Variants in NCKAP5 observed in about 807,000 individuals in gnomAD.
NCKAP5 encodes nck-associated protein 5.
A neutral mutation model predicts 167.0 loss-of-function variants in NCKAP5; 92 were observed. The ratio of observed to expected loss-of-function variants is 0.55; its 90% CI spans 0.47 to 0.66. The LOEUF is 0.66. Among genes scored for constraint, NCKAP5 ranks in the 30% least tolerant of loss-of-function variants. The pLI, the probability that NCKAP5 is intolerant of heterozygous loss-of-function variation, is 0.00. For synonymous variants in NCKAP5, 891 were observed against 877.4 expected (o/e 1.02, Z -0.27); for missense variants, 2,378 against 2,315.0 (o/e 1.03, Z -0.56).
At chr2:133,623,301 A>T in the NCKAP5 span, among the ~76,000 whole-genome samples, 2 of 152,092 alleles carry the variant, frequency 1.3e-5, no homozygotes, top group African/African-American at 4.8e-5. Flanking sequence ...ATAAATAGAT[A>T]GGATTTAATT....
chr2:133,110,389 G>A (rs2081866936), intron 6 of NCKAP5, among the ~76,000 whole-genome samples: 1 of 152,170 alleles, frequency 6.6e-6, no homozygotes, highest in Non-Finnish European at 1.5e-5. Flanking sequence ...AGAAGATGCT[G>A]CTGTCTCAGG....
At chr2:132,728,535 C>T (rs1018622850) in intron 18 of NCKAP5, among the ~76,000 whole-genome samples, 2 of 152,156 alleles carry the variant, frequency 1.3e-5, no homozygotes, top group African/African-American at 2.4e-5. Flanking sequence ...AGAGTGAATG[C>T]TTGTCCCACA....
At chr2:133,309,409 C>G (rs1404738803) in intron 3 of NCKAP5, among the ~76,000 whole-genome samples, 1 of 152,128 alleles carries the variant, frequency 6.6e-6, no homozygotes, top group African/African-American at 2.4e-5. Context: ...CAATGAACCC[C>G]CCTTTCCACT....
the NCKAP5 span, among the ~76,000 whole-genome samples, chr2:133,616,460 T>C: frequency 6.6e-6 from 1 of 151,098 alleles, no homozygotes; most frequent in African/African-American, 2.4e-5. Flanking sequence ...TAAAAAATGA[T>C]AAAGGGGATA....
At chr2:133,612,248 G>C in the NCKAP5 span, among the ~76,000 whole-genome samples, 150,351 of 152,278 alleles carry the variant, frequency 0.99, 74,258 homozygotes, top group Middle Eastern at 1. Flanking sequence ...GAAATAAGAT[G>C]TTATTGTATA....
chr2:133,374,318 G>GA (rs1163604962), intron 3 of NCKAP5, among the ~76,000 whole-genome samples: 1 of 152,216 alleles, frequency 6.6e-6, no homozygotes, highest in African/African-American at 2.4e-5. Context: ...TAGAGAAGAT[G>GA]AAAATTCAGT....
chr2:133,413,890 C>T (rs751111403), intron 3 of NCKAP5, among the ~76,000 whole-genome samples: 8 of 152,108 alleles, frequency 5.3e-5, no homozygotes, highest in Non-Finnish European at 1.2e-4. Flanking sequence ...TTCTGTTTTT[C>T]TATATAGAGG....
At chr2:133,618,149 C>T in the NCKAP5 span, among the ~76,000 whole-genome samples, 3 of 151,486 alleles carry the variant, frequency 2.0e-5, no homozygotes, top group Admixed American at 2.0e-4. Context: ...ATACAAAAAT[C>T]AATTCAAGAT....
At chr2:133,616,551 C>G in the NCKAP5 span, among the ~76,000 whole-genome samples, 4,237 of 151,648 alleles carry the variant, frequency 0.028, 216 homozygotes, top group African/African-American at 0.098. Context: ...AGAAAATCTA[C>G]AAGAAATGGA....
intron 3 of NCKAP5, among the ~76,000 whole-genome samples, chr2:133,374,978 A>T (rs1226631536): frequency 2.0e-5 from 3 of 152,168 alleles, no homozygotes; most frequent in African/African-American, 7.2e-5. Context: ...AGCCAACTGG[A>T]TTTCAAACAA....
chr2:133,515,368 T>C (rs1386850211), intron 3 of NCKAP5, among the ~76,000 whole-genome samples: 2 of 152,148 alleles, frequency 1.3e-5, no homozygotes, highest in Admixed American at 1.3e-4. Context: ...CCCTACACAC[T>C]GTGATAGGAA....
chr2:132,957,585 C>T (rs2076381609), intron 8 of NCKAP5, among the ~76,000 whole-genome samples: 1 of 149,268 alleles, frequency 6.7e-6, no homozygotes, highest in African/African-American at 2.5e-5. Flanking sequence ...TGATCTTGTC[C>T]TCCTGTCTCC....
chr2:133,419,395 G>A (rs1689328772), intron 3 of NCKAP5, among the ~76,000 whole-genome samples: 1 of 152,228 alleles, frequency 6.6e-6, no homozygotes, highest in East Asian at 1.9e-4. Context: ...TGGTTCACAG[G>A]CATATTTCAT....
chr2:132,880,947 G>A (rs185110748), intron 8 of NCKAP5, among the ~76,000 whole-genome samples: 22 of 152,176 alleles, frequency 1.4e-4, no homozygotes, highest in Admixed American at 9.8e-4. Context: ...TCATAACAAA[G>A]TCATTGTCTT....
chr2:133,116,036 T>C (rs1574075889), intron 6 of NCKAP5, among the ~76,000 whole-genome samples: 1 of 151,856 alleles, frequency 6.6e-6, no homozygotes, highest in Non-Finnish European at 1.5e-5. Context: ...ACTTCAAATT[T>C]AACTGAAGAT....
chr2:132,819,470 T>A (rs1489019529), intron 11 of NCKAP5, among the ~76,000 whole-genome samples: 1 of 152,208 alleles, frequency 6.6e-6, no homozygotes, highest in African/African-American at 2.4e-5. Context: ...CATTAAAACA[T>A]GTGCAGATGT....
At chr2:133,188,642 G>A (rs1056389249) in intron 5 of NCKAP5, among the ~76,000 whole-genome samples, 46 of 152,104 alleles carry the variant, frequency 3.0e-4, no homozygotes, top group East Asian at 9.7e-4. Flanking sequence ...ACTCAAAACC[G>A]CTCAACTACA....
chr2:133,518,608 C>A (rs1684223772), intron 2 of NCKAP5, among the ~76,000 whole-genome samples: 1 of 151,954 alleles, frequency 6.6e-6, no homozygotes, highest in Admixed American at 6.5e-5. Flanking sequence ...CCTGCCTCGG[C>A]CTCCCAAAGT....
At chr2:132,894,277 C>T (rs1558911590) in intron 8 of NCKAP5, among the ~76,000 whole-genome samples, 1 of 152,200 alleles carries the variant, frequency 6.6e-6, no homozygotes, top group Non-Finnish European at 1.5e-5. Flanking sequence ...TTCATCAGCT[C>T]CTAACCAGTA....
Sources: allele counts gnomAD v4.1 joint callset (sites outside exome capture counted in the v4.1 genomes callset), GRCh38; gene constraint gnomAD v4.1.1; transcripts MANE v1.5; gene names NCBI Gene and HGNC (gene_info 2026-07-23, HGNC 2026-07-21).